Variants in PANK1 observed in about 807,000 individuals in gnomAD.
PANK1 encodes pantothenic acid kinase 1.
A neutral mutation model predicts 40.1 loss-of-function variants in PANK1; 18 were observed. The ratio of observed to expected loss-of-function variants is 0.45; its 90% CI spans 0.31 to 0.67. PANK1 has a LOEUF of 0.67. PANK1 is among the 30% of genes least tolerant of loss of function. The probability of loss-of-function intolerance (pLI) is 0.06; values close to 1 mark genes in which losing one functional copy is unlikely to be tolerated. For synonymous variants in PANK1, 242 were observed against 237.7 expected (o/e 1.02, Z -0.17); for missense variants, 457 against 599.6 (o/e 0.76, Z 2.48).
At chr10:89,622,883 A>C (rs1055886294) in intron 1 of PANK1, among the ~76,000 whole-genome samples, 1 of 152,142 alleles carries the variant, frequency 6.6e-6, no homozygotes, top group Non-Finnish European at 1.5e-5. Context: ...TATAATAAGA[A>C]AACTAATTTA....
chr10:89,593,589 G>C (rs1844474178), intron 4 of PANK1, among the ~76,000 whole-genome samples: 2 of 152,118 alleles, frequency 1.3e-5, no homozygotes, highest in Admixed American at 1.3e-4. Flanking sequence ...AACTATTGCA[G>C]TTTTCTAGAA....
At chr10:89,589,029 G>C (rs1998842) in intron 5 of PANK1, among the ~76,000 whole-genome samples, 5,570 of 152,248 alleles carry the variant, frequency 0.037, 373 homozygotes, top group East Asian at 0.27. Context: ...TGTTATGTCA[G>C]ACTGCCTTAC....
At chr10:89,611,608 G>T in intron 2 of PANK1, 88 bp downstream of exon 2, 2 of 936,576 alleles carry the variant, frequency 2.1e-6, no homozygotes, top group Non-Finnish European at 3.2e-6. Context: ...GAGTCCCAAG[G>T]CTAGTAGTAT....
chr10:89,636,544 T>G (rs1488095356), intron 1 of PANK1, among the ~76,000 whole-genome samples: 1 of 151,516 alleles, frequency 6.6e-6, no homozygotes, highest in Non-Finnish European at 1.5e-5. Context: ...CTCCACCTCG[T>G]GGGTTCAAGC....
chr10:89,593,526 T>TGG (rs34654344), intron 4 of PANK1, among the ~76,000 whole-genome samples: 56 of 146,972 alleles, frequency 3.8e-4, no homozygotes, highest in East Asian at 3.7e-3. Flanking sequence ...TGTCCATTAA[T>TGG]GGGGGGGGAA....
intron 2 of PANK1, among the ~76,000 whole-genome samples, chr10:89,611,067 G>A (rs1328483656): frequency 6.6e-6 from 1 of 152,136 alleles, no homozygotes; most frequent in Non-Finnish European, 1.5e-5. Flanking sequence ...ATCTAAATGA[G>A]CAACGTACAG....
At chr10:89,590,589 C>T (rs1844351874) in intron 5 of PANK1, among the ~76,000 whole-genome samples, 1 of 152,086 alleles carries the variant, frequency 6.6e-6, no homozygotes. Flanking sequence ...AAATAATATA[C>T]ATGTGTGTAC....
intron 2 of PANK1, among the ~76,000 whole-genome samples, chr10:89,604,649 G>A (rs978225491): frequency 7.6e-6 from 1 of 131,152 alleles, no homozygotes; most frequent in East Asian, 2.4e-4. Flanking sequence ...AGCCGAGATC[G>A]CATCACTGCA....
At chr10:89,595,901 C>T (rs1242828748) in intron 3 of PANK1, among the ~76,000 whole-genome samples, 4 of 117,776 alleles carry the variant, frequency 3.4e-5, no homozygotes, top group East Asian at 2.5e-4. Context: ...TATATATGTA[C>T]ACACACACAT....
chr10:89,610,008 G>A (rs1380971620), intron 2 of PANK1, among the ~76,000 whole-genome samples: 1 of 152,216 alleles, frequency 6.6e-6, no homozygotes, highest in Non-Finnish European at 1.5e-5. Context: ...GAGGAGCTCA[G>A]AGCAATGAGA....
At chr10:89,587,164 T>C (rs1308465575) in intron 6 of PANK1, among the ~76,000 whole-genome samples, 1 of 151,952 alleles carries the variant, frequency 6.6e-6, no homozygotes, top group Non-Finnish European at 1.5e-5. Flanking sequence ...CTGAATTTAC[T>C]GACACTCTCC....
intron 1 of PANK1, chr10:89,643,868 G>A: frequency 6.8e-7 from 1 of 1,467,282 alleles, no homozygotes. Context: ...ACAAGCTTTA[G>A]ATTGTGAAAT....
intron 2 of PANK1, among the ~76,000 whole-genome samples, chr10:89,608,274 A>G (rs1305533231): frequency 2.0e-5 from 3 of 151,750 alleles, no homozygotes; most frequent in Non-Finnish European, 2.9e-5. Flanking sequence ...CTCGTGATCC[A>G]CCCACCTCGG....
intron 1 of PANK1, 115 bp downstream of exon 1, chr10:89,644,485 C>A (rs1842054914): frequency 1.1e-6 from 1 of 901,404 alleles, no homozygotes; most frequent in African/African-American, 1.8e-5. Context: ...GTCCCTCGAC[C>A]GCAGACGCGG....
downstream of PANK1, chr10:89,582,944 A>C (rs1589749717): frequency 6.6e-6 from 1 of 152,342 alleles, no homozygotes; most frequent in East Asian, 1.9e-4. Flanking sequence ...AGATACTATA[A>C]ACATGAGAAT....
At chr10:89,628,271 C>T (rs749419477) in intron 1 of PANK1, among the ~76,000 whole-genome samples, 75 of 152,222 alleles carry the variant, frequency 4.9e-4, no homozygotes, top group African/African-American at 1.6e-3. Flanking sequence ...AAAGTAGAAA[C>T]GACCCAAATG....
At position 89,612,198 on chromosome 10, in the gene PANK1, A is replaced by T. The variant is rs896706381; in HGVS notation, c.293-150T>A. Reference sequence around the variant, plus strand: ...TTGAATTCAACTATATGTGCCTAAAAGGTGGCACAGACAGAGAAAATTTTA... The same window carrying T: ...TTGAATTCAACTATATGTGCCTAAATGGTGGCACAGACAGAGAAAATTTTA... On this transcript the variant is annotated intron_variant, in intron 1 of 6. Coordinates refer to ENST00000307534, the MANE Select transcript of PANK1 (RefSeq NM_148977.3). 14 of 705,378 alleles carry T rather than the reference A, an allele frequency of 2.0e-5. No individual in the cohort carries two copies. In the East Asian group the frequency reaches 3.8e-4, roughly 19 times the overall value. The allele number at this position is 705,378 out of a possible 1,614,324, so 43.7% of individuals were successfully genotyped here.
At chr10:89,614,917 G>A (rs1845272486) in intron 1 of PANK1, among the ~76,000 whole-genome samples, 1 of 152,062 alleles carries the variant, frequency 6.6e-6, no homozygotes, top group South Asian at 2.1e-4. Context: ...ATTTGGTTTA[G>A]GGAGAGGAAG....
chr10:89,587,613 G>T (rs1589755146), intron 6 of PANK1, among the ~76,000 whole-genome samples: 1 of 152,150 alleles, frequency 6.6e-6, no homozygotes, highest in Non-Finnish European at 1.5e-5. Context: ...TAATATTGTA[G>T]ATTATGAAAG....
Sources: allele counts gnomAD v4.1 joint callset (sites outside exome capture counted in the v4.1 genomes callset), GRCh38; gene constraint gnomAD v4.1.1; transcripts MANE v1.5; gene names NCBI Gene and HGNC (gene_info 2026-07-23, HGNC 2026-07-21).